Variants in ZNF207 observed in about 807,000 individuals in gnomAD.
ZNF207 encodes zinc finger protein 207.
ZNF207 carries 24 observed loss-of-function variants against 60.2 expected under a neutral mutation model. The observed-to-expected ratio is 0.40, with a 90% CI of 0.29 to 0.56. The LOEUF is 0.56. Ranked by LOEUF, ZNF207 falls within the 20% of genes least tolerant of loss-of-function variation. The pLI is 0.49. For missense variants in ZNF207, 452 were observed against 636.6 expected (o/e 0.71, Z 3.12); for synonymous variants, 236 against 194.7 (o/e 1.21, Z -1.77).
chr17:32,367,514 G>T (rs1246716925), intron 9 of ZNF207, among the ~76,000 whole-genome samples: 1 of 151,658 alleles, frequency 6.6e-6, no homozygotes. Flanking sequence ...TGGTGAGGAG[G>T]TAGAAGACAT....
rs1309148258 is a variant in ZNF207 at position 32,378,437 on chromosome 17, T to C, written c.*8678T>C. On this transcript the variant is annotated 3_prime_UTR_variant, in exon 12 of 12. Coordinates refer to ENST00000394670, the MANE Select transcript of ZNF207 (RefSeq NM_001098507.2). ...AATGGTGTACAGTCATAAGCTAGAA[T>C]ATGTTTTTATAATGCTTTTTTGTTC... is the stretch of plus-strand genomic sequence containing the variant. 6.6e-6 allele frequency: 1 copy of C among 152,074 alleles called. No homozygotes were observed. The highest frequency in any genetic ancestry group is 2.4e-5 in the African/African-American group (1 of 41,452). The allele number at this position is 152,074 out of a possible 1,614,324, so 9.4% of individuals were successfully genotyped here.
chr17:32,354,511 G>A (rs1904387131), intron 2 of ZNF207, among the ~76,000 whole-genome samples: 1 of 151,728 alleles, frequency 6.6e-6, no homozygotes, highest in Admixed American at 6.6e-5. Context: ...GCTTCACCAC[G>A]TTGGCCAGGG....
At chr17:32,362,438 T>C (rs1421519017) in intron 6 of ZNF207, among the ~76,000 whole-genome samples, 2 of 152,246 alleles carry the variant, frequency 1.3e-5, no homozygotes, top group Non-Finnish European at 2.9e-5. Context: ...TCTGGGATTA[T>C]AGGCATGAGC....
At position 32,369,754 on chromosome 17, in the gene ZNF207, T is replaced by TA; in HGVS notation, c.1481dup (p.Tyr494Ter). ...RPPVMSQGGR[Y>*] ...TCCTGTAATGTCGCAAGGTGGCCGT[T>TA]ACTGATCTTACTTCATCCAGTCTAA... is the stretch of plus-strand genomic sequence containing the variant. Residue 494 changes from tyrosine to a stop codon, truncating the protein, a stop_gained and frameshift_variant, in exon 12 of 12, where the codon TAC becomes TAAC. Transcript: ENST00000394670. LOFTEE classifies it high-confidence loss of function. 1 of 1,526,542 alleles carries TA rather than the reference T, an allele frequency of 6.6e-7. No individual in the cohort carries two copies. The highest frequency in any genetic ancestry group is 8.8e-7 in the Non-Finnish European group (1 of 1,138,488). The allele number at this position is 1,526,542 out of a possible 1,614,324, so 94.6% of individuals were successfully genotyped here. A position where few individuals can be genotyped will look rare whatever the true frequency, so the allele number is the denominator to read the frequency against.
rs956293752 is a variant in ZNF207, at chr17:32,376,263, C to T, written c.*6504C>T. ...TATCCACCTTTTCCAAGTGTTTAAG[C>T]CCTAAAACATCTATCTTTATTTTTT... On this transcript the variant is annotated 3_prime_UTR_variant, in exon 12 of 12. Coordinates refer to ENST00000394670, the MANE Select transcript of ZNF207 (RefSeq NM_001098507.2). 2 of 151,904 alleles carry T rather than the reference C, an allele frequency of 1.3e-5. No homozygotes were observed. Among genetic ancestry groups the T allele is most frequent in the South Asian group, 4.1e-4 (2 of 4,826 alleles). The allele number at this position is 151,904 out of a possible 1,614,324, so 9.4% of individuals were successfully genotyped here.
At chr17:32,352,798 C>T (rs544598893) in intron 2 of ZNF207, among the ~76,000 whole-genome samples, 1 of 152,344 alleles carries the variant, frequency 6.6e-6, no homozygotes, top group South Asian at 2.1e-4. Context: ...TGGGTTCTAG[C>T]CGTCTTCCTG....
At chr17:32,354,633 T>C (rs568760169) in intron 2 of ZNF207, among the ~76,000 whole-genome samples, 6 of 151,714 alleles carry the variant, frequency 4.0e-5, no homozygotes, top group Non-Finnish European at 8.8e-5. Context: ...TTTTTTTTTC[T>C]TGAGACGGAG....
chr17:32,358,489 ATTG>A lies in ZNF207; in HGVS notation c.169-5_169-3del, dbSNP rs754574479. Reference sequence around the variant, plus strand: ...TAAAAAAGACTTTTATCTAATGGAAATTGTTGTTGTTAGGTACATAAAGAAACA... The same window carrying A: ...TAAAAAAGACTTTTATCTAATGGAAATTGTTGTTAGGTACATAAAGAAACA... On this transcript the variant is annotated splice_polypyrimidine_tract_variant and intron_variant, in intron 2 of 11. Transcript: ENST00000394670. 18 of 1,535,120 alleles carry A rather than the reference ATTG, an allele frequency of 1.2e-5. 1 individual carries two copies. The East Asian group carries it at 2.8e-4, about 24-fold the overall frequency.
chr17:32,360,506 A>G (rs1206923513), intron 3 of ZNF207, 92 bp from the exon 4 acceptor site: 2 of 1,249,070 alleles, frequency 1.6e-6, no homozygotes, highest in Non-Finnish European at 2.2e-6. Flanking sequence ...TCATGAAGTA[A>G]TTTTACCCAT....
chr17:32,372,497 A>G lies in ZNF207; in HGVS notation c.*2738A>G, dbSNP rs1383990111. 3 of 152,182 alleles carry G rather than the reference A, an allele frequency of 2.0e-5. No homozygotes were observed. The highest frequency in any genetic ancestry group is 4.4e-5 in the Non-Finnish European group (3 of 68,030). The allele number at this position is 152,182 out of a possible 1,614,324, so 9.4% of individuals were successfully genotyped here. A position where few individuals can be genotyped will look rare whatever the true frequency, so the allele number is the denominator to read the frequency against. On this transcript the variant is annotated 3_prime_UTR_variant, in exon 12 of 12. Transcript: ENST00000394670. ...TGTAGCAAGGTTTTTTGCTCTCTGTATAGGTCTGATGGGCAAAAATGGAAC... is the reference window on the plus strand; with the variant it reads ...TGTAGCAAGGTTTTTTGCTCTCTGTGTAGGTCTGATGGGCAAAAATGGAAC...
At chr17:32,361,643 G>T in intron 6 of ZNF207, 128 bp downstream of exon 6, 1 of 753,074 alleles carries the variant, frequency 1.3e-6, no homozygotes, top group Non-Finnish European at 2.0e-6. Context: ...AAACTTGCAA[G>T]CTAATTAACA....
chr17:32,350,365 T>TGCCGGTTGTTGGGGC (rs1300610462), intron 1 of ZNF207, 39 bp downstream of exon 1: 6 of 1,613,386 alleles, frequency 3.7e-6, no homozygotes, highest in Non-Finnish European at 5.1e-6. Flanking sequence ...CGCGTTGGGG[T>TGCCGGTTGTTGGGGC]GCCGGTTGTT....
At position 32,376,217 on chromosome 17, in the gene ZNF207, G is replaced by A. The variant is rs1905669865; in HGVS notation, c.*6458G>A. ...TGGAGAAAGTAGGACTTCAGTTTGC[G>A]CTTCCCAATAACTTTAAATATATCC... On this transcript the variant is annotated 3_prime_UTR_variant, in exon 12 of 12. Transcript: ENST00000394670. 2.0e-5 allele frequency: 3 copies of A among 151,862 alleles called. No homozygotes were observed. The highest frequency in any genetic ancestry group is 6.6e-5 in the Admixed American group (1 of 15,246). 9.4% of individuals were successfully genotyped at this position (151,862 alleles called of 1,614,324 possible).
chr17:32,360,176 A>ACCC lies in ZNF207; in HGVS notation c.308-414_308-412dup, dbSNP rs34129815. Among the ~76,000 whole-genome samples, 79 of 58,988 alleles carry ACCC rather than the reference A, an allele frequency of 1.3e-3. 1 individual carries two copies. Among genetic ancestry groups the ACCC allele is most frequent in the African/African-American group, 2.7e-3 (36 of 13,398 alleles). The allele number at this position is 58,988 out of a possible 152,430, so 38.7% of individuals were successfully genotyped here. A position where few individuals can be genotyped will look rare whatever the true frequency, so the allele number is the denominator to read the frequency against. ...GCCAAAAGTTCAAGACCTCACCTTT[A>ACCC]CCCCCCCCCCAAAAAAAAAAAAAAA... On this transcript the variant is annotated intron_variant, in intron 3 of 11. Coordinates refer to ENST00000394670, the MANE Select transcript of ZNF207 (RefSeq NM_001098507.2).
At chr17:32,361,853 C>CT (rs1904898089) in intron 6 of ZNF207, among the ~76,000 whole-genome samples, 1 of 152,070 alleles carries the variant, frequency 6.6e-6, no homozygotes, top group African/African-American at 2.4e-5. Context: ...ATTTTCTAAT[C>CT]TATTAATAGA....
Position 32,376,782 on chromosome 17 carries a change from CAG to C in ZNF207, c.*7026_*7027del, listed in dbSNP as rs1357723216. ...GTTTTAATTTTTATCAAAATAACCT[CAG>C]AGGAGGTACATGTGAGTAAACTGTC... On this transcript the variant is annotated 3_prime_UTR_variant, in exon 12 of 12. Coordinates refer to ENST00000394670, the MANE Select transcript of ZNF207 (RefSeq NM_001098507.2). The C allele has an allele frequency of 6.6e-6, 1 of 152,062 alleles. No individual in the cohort carries two copies. The highest frequency in any genetic ancestry group is 2.4e-5 in the African/African-American group (1 of 41,440). The allele number at this position is 152,062 out of a possible 1,614,324, so 9.4% of individuals were successfully genotyped here. A position where few individuals can be genotyped will look rare whatever the true frequency, so the allele number is the denominator to read the frequency against.
chr17:32,379,735 A>T lies in ZNF207; in HGVS notation c.*9976A>T, dbSNP rs1905809998. Reference sequence around the variant, plus strand: ...GAGGCTTAAAAATTTCAAAAGTATTATTTAAGCCACTCTAACCCTGCATGA... The same window carrying T: ...GAGGCTTAAAAATTTCAAAAGTATTTTTTAAGCCACTCTAACCCTGCATGA... On this transcript the variant is annotated 3_prime_UTR_variant, in exon 12 of 12. Coordinates refer to ENST00000394670, the MANE Select transcript of ZNF207 (RefSeq NM_001098507.2). The T allele has an allele frequency of 6.6e-6, 1 of 152,162 alleles. No homozygotes were observed. The highest frequency in any genetic ancestry group is 2.1e-4 in the South Asian group (1 of 4,832). 9.4% of individuals were successfully genotyped at this position (152,162 alleles called of 1,614,324 possible). A position where few individuals can be genotyped will look rare whatever the true frequency, so the allele number is the denominator to read the frequency against.
rs553816716 is a variant in ZNF207 at position 32,381,654 on chromosome 17, C to T, written c.*11895C>T. 6.6e-6 allele frequency: 1 copy of T among 152,258 alleles called. No individual in the cohort carries two copies. Among genetic ancestry groups the T allele is most frequent in the South Asian group, 2.1e-4 (1 of 4,826 alleles). 9.4% of individuals were successfully genotyped at this position (152,258 alleles called of 1,614,324 possible). On this transcript the variant is annotated 3_prime_UTR_variant, in exon 12 of 12. Transcript: ENST00000394670. ...TTTTTCTTTTTCAGATAGTCTGGGG[C>T]TATTTACTTATTTTAAGTAAGCCAA...
At chr17:32,351,444 T>G in intron 1 of ZNF207, 2 of 1,354,424 alleles carry the variant, frequency 1.5e-6, no homozygotes, top group South Asian at 3.1e-5. Flanking sequence ...ATTTCTTAAC[T>G]GAACTCTTTC....
Sources: allele counts gnomAD v4.1 joint callset (sites outside exome capture counted in the v4.1 genomes callset), GRCh38; gene constraint gnomAD v4.1.1; transcripts MANE v1.5; gene names NCBI Gene and HGNC (gene_info 2026-07-23, HGNC 2026-07-21).